The following KLHL29 variants were observed in gnomAD, a reference collection of about 807,000 sequenced individuals.
The protein encoded by KLHL29 is kelch-like protein 29.
KLHL29 carries 21 observed loss-of-function variants against 80.4 expected under a neutral mutation model. The observed-to-expected ratio is 0.26, with a 90% CI of 0.19 to 0.38. The LOEUF is 0.38. KLHL29 is among the 10% of genes least tolerant of loss of function. The pLI is 1.00. For missense variants in KLHL29, 867 were observed against 1,223.9 expected, an observed-to-expected ratio of 0.71 and a Z score of 4.35; for synonymous variants, 511 against 526.8, an observed-to-expected ratio of 0.97 and a Z score of 0.41.
In KLHL29 at chr2:23,683,413, C is replaced by G. The variant is rs140371513; in HGVS notation, c.941-986C>G. On this transcript the variant is annotated intron_variant, in intron 5 of 13. Coordinates refer to ENST00000486442, the MANE Select transcript of KLHL29 (RefSeq NM_052920.2). ...CTGGGGGCAGGCAGATGAGGCAAGG[C>G]TGTTGTGGGGAGCAGTGGTCAACTG... 3.3e-5 allele frequency among the ~76,000 whole-genome samples: 5 copies of G among 152,356 alleles called. 1 individual carries two copies. Among genetic ancestry groups the G allele is most frequent in the Admixed American group, 3.3e-4 (5 of 15,300 alleles).
At chr2:23,489,932 T>A (rs1281037975) in intron 2 of KLHL29, among the ~76,000 whole-genome samples, 2 of 152,188 alleles carry the variant, frequency 1.3e-5, no homozygotes, top group African/African-American at 4.8e-5. Flanking sequence ...TTGTCCACTC[T>A]AGGTTCCACA....
intron 2 of KLHL29, among the ~76,000 whole-genome samples, chr2:23,520,744 A>G (rs1666068993): frequency 6.6e-6 from 1 of 152,250 alleles, no homozygotes; most frequent in Non-Finnish European, 1.5e-5. Flanking sequence ...TGACTCTTTC[A>G]TACATTTCTT....
At chr2:23,393,770 C>T (rs934709894) in intron 1 of KLHL29, among the ~76,000 whole-genome samples, 1 of 152,198 alleles carries the variant, frequency 6.6e-6, no homozygotes, top group Non-Finnish European at 1.5e-5. Flanking sequence ...TTGAGATTCT[C>T]CTTGAGAAAG....
intron 5 of KLHL29, among the ~76,000 whole-genome samples, chr2:23,665,736 G>A (rs1443279319): frequency 6.6e-6 from 1 of 152,114 alleles, no homozygotes; most frequent in African/African-American, 2.4e-5. Flanking sequence ...AGAGGGAAGG[G>A]GCACCATGCT....
chr2:23,456,649 C>T (rs560029988), intron 1 of KLHL29, among the ~76,000 whole-genome samples: 68 of 152,338 alleles, frequency 4.5e-4, no homozygotes, highest in African/African-American at 1.6e-3. Flanking sequence ...GCTCGCATTG[C>T]GTTTTCTGTT....
intron 3 of KLHL29, among the ~76,000 whole-genome samples, chr2:23,597,309 A>ATATGTGTGTGTGTGTGTGTGTG (rs1558402682): frequency 2.0e-5 from 2 of 100,522 alleles, no homozygotes; most frequent in African/African-American, 8.2e-5. Context: ...ATATATATAT[A>ATATGTGTGTGTGTGTGTGTGTG]TGTGTGTGTG....
At chr2:23,445,285 T>A (rs1663640422) in intron 1 of KLHL29, among the ~76,000 whole-genome samples, 1 of 152,260 alleles carries the variant, frequency 6.6e-6, no homozygotes, top group African/African-American at 2.4e-5. Flanking sequence ...GTTTTTTTTC[T>A]TTCCAGTGCA....
chr2:23,558,550 C>T (rs190972264), intron 2 of KLHL29, among the ~76,000 whole-genome samples: 1 of 152,220 alleles, frequency 6.6e-6, no homozygotes, highest in Non-Finnish European at 1.5e-5. Flanking sequence ...TACAGATGCA[C>T]ACCACCATGC....
chr2:23,700,934 C>A lies in KLHL29; in HGVS notation c.2106-2252C>A, dbSNP rs764839997. On this transcript the variant is annotated intron_variant, in intron 11 of 13. Coordinates refer to ENST00000486442, the MANE Select transcript of KLHL29 (RefSeq NM_052920.2). This position sits in a 1 kb window ranked among gnomAD's most constrained non-coding sequence, Gnocchi z 4.6. ...CTACATTTCCCCAGTTTGTCCTCAG[C>A]CCCCATGCACTTCACATCTCCCCAG... is the stretch of plus-strand genomic sequence containing the variant. Among the ~76,000 whole-genome samples, 1 of 152,164 alleles carries A rather than the reference C, an allele frequency of 6.6e-6. No homozygotes were observed. The highest frequency in any genetic ancestry group is 1.5e-5 in the Non-Finnish European group (1 of 68,038).
intron 2 of KLHL29, among the ~76,000 whole-genome samples, chr2:23,526,726 C>T (rs986289525): frequency 2.6e-5 from 4 of 152,174 alleles, no homozygotes; most frequent in African/African-American, 7.2e-5. Flanking sequence ...CTGGGGTTGG[C>T]TCCGTGGCTC....
In KLHL29 at chr2:23,669,362, G is replaced by A. The variant is rs1670643601; in HGVS notation, c.941-15037G>A. The A allele has an allele frequency of 6.6e-6, 1 of 152,184 alleles. No individual in the cohort carries two copies. The highest frequency in any genetic ancestry group is 6.5e-5 in the Admixed American group (1 of 15,288). The allele number at this position is 152,184 out of a possible 1,614,324, so 9.4% of individuals were successfully genotyped here. ...CTTACCGAATGGGTAGATGTTTTCT[G>A]AACGAGGGCGAAGGAATTCCCTGGC... On this transcript the variant is annotated intron_variant, in intron 5 of 13. Transcript: ENST00000486442. The surrounding 1 kb of genome is among the most constrained non-coding windows in gnomAD (Gnocchi z 4.3).
chr2:23,460,703 ACTCAGGAGCTTCCCGTGAAGGGAGCAT>A (rs1222120695), intron 1 of KLHL29, among the ~76,000 whole-genome samples: 1 of 149,400 alleles, frequency 6.7e-6, no homozygotes, highest in African/African-American at 2.5e-5. Flanking sequence ...CATCGTGCAA[ACTCAGGAGCTTCCCGTGAAGGGAGCAT>A]CGTGCAAACT....
At chr2:23,414,941 G>T (rs1666949736) in intron 1 of KLHL29, among the ~76,000 whole-genome samples, 1 of 152,224 alleles carries the variant, frequency 6.6e-6, no homozygotes, top group Non-Finnish European at 1.5e-5. Flanking sequence ...TTATTAAAAG[G>T]ATATTAGTCA....
Position 23,562,204 on chromosome 2 carries a change from G to C in KLHL29, c.8G>C (p.Arg3Pro). Residue 3 changes from arginine (R) to proline (P), a missense_variant, in exon 3 of 14, where the codon CGG becomes CCG. By Grantham distance (103) the Arg-to-Pro change is moderately radical. Around this residue, in one of 2 missense-constraint regions of KLHL29, gnomAD observed 424 missense variants for 456.9 expected, o/e 0.93. Transcript: ENST00000486442. The surrounding 1 kb of genome is among the most constrained non-coding windows in gnomAD (Gnocchi z 4.5). MS[R>P]HHSRFERDYR... The stretch of plus-strand genomic sequence containing the variant: ...CCGCCTCGGCCCACCGAGATGTCCC[G>C]GCACCATAGCCGCTTCGAAAGAGAT... 6.4e-7 allele frequency: 1 copy of C among 1,550,556 alleles called. No homozygotes were observed. The highest frequency in any genetic ancestry group is 8.7e-7 in the Non-Finnish European group (1 of 1,146,964).
At chr2:23,649,138 G>A (rs574734966) in intron 5 of KLHL29, among the ~76,000 whole-genome samples, 1 of 152,160 alleles carries the variant, frequency 6.6e-6, no homozygotes, top group Admixed American at 6.5e-5. Context: ...TTTAAAGCAA[G>A]GTTGTCCAAA....
intron 3 of KLHL29, among the ~76,000 whole-genome samples, chr2:23,621,070 C>T (rs900798425): frequency 1.3e-5 from 2 of 152,238 alleles, no homozygotes; most frequent in Admixed American, 1.3e-4. Flanking sequence ...ACATCCTTGG[C>T]CGGGGGACTG....
At chr2:23,463,113 T>A (rs1572336727) in intron 1 of KLHL29, among the ~76,000 whole-genome samples, 1 of 151,452 alleles carries the variant, frequency 6.6e-6, no homozygotes, top group Non-Finnish European at 1.5e-5. Context: ...ATCACTAGAG[T>A]GACTTTTTGA....
chr2:23,566,734 A>G (rs1289447672), intron 3 of KLHL29, among the ~76,000 whole-genome samples: 1 of 152,222 alleles, frequency 6.6e-6, no homozygotes, highest in Non-Finnish European at 1.5e-5. Flanking sequence ...TGTCTCTAAG[A>G]ATTGGGAATA....
chr2:23,404,259 G>C (rs956291854), intron 1 of KLHL29, among the ~76,000 whole-genome samples: 2 of 112,040 alleles, frequency 1.8e-5, no homozygotes, highest in East Asian at 4.5e-4. Flanking sequence ...CAGATTCTGG[G>C]CGATGACTAT....
Sources: gnomAD v4.1 joint callset for allele counts (sites outside exome capture counted in the v4.1 genomes callset) on GRCh38, gnomAD v4.1.1 for gene constraint, gnomAD v4.1.1 regional missense constraint, Gnocchi (gnomAD v3.1) non-coding constraint, MANE v1.5 for transcripts, NCBI Gene and HGNC (gene_info 2026-07-23, HGNC 2026-07-21) for gene names.